The following CHD1L variants were observed in gnomAD, a reference collection of about 807,000 sequenced individuals.
CHD1L encodes ATP-dependent chromatin remodeler CHD1L.
CHD1L carries 118 observed loss-of-function variants against 115.9 expected under a neutral mutation model. The observed-to-expected ratio is 1.02, with a 90% CI of 0.88 to 1.19. The LOEUF (loss-of-function observed/expected upper bound fraction) is 1.19. Among genes scored for constraint, CHD1L ranks in the 50% most tolerant of loss-of-function variants. The pLI is 0.00. For synonymous variants in CHD1L, 411 were observed against 387.1 expected (o/e 1.06, Z -0.72); for missense variants, 1,179 against 1,065.3 (o/e 1.11, Z -1.49).
upstream of CHD1L, among the ~76,000 whole-genome samples, chr1:147,237,926 A>G (rs1553930128): frequency 6.6e-6 from 1 of 152,236 alleles, no homozygotes. Flanking sequence ...CTCAAAGATT[A>G]ACTTGATAAT....
the CHD1L span, chr1:147,212,324 A>G: frequency 6.5e-7 from 1 of 1,530,580 alleles, no homozygotes; most frequent in South Asian, 1.2e-5. Flanking sequence ...TGTTGGGTCC[A>G]CCTGCAGCTT....
At chr1:147,211,634 A>G in the CHD1L span, 2 of 152,226 alleles carry the variant, frequency 1.3e-5, no homozygotes, top group South Asian at 2.1e-4. Flanking sequence ...CCTATTGCCA[A>G]TAGAGTTTGA....
At chr1:147,200,570 TG>T in the CHD1L span, among the ~76,000 whole-genome samples, 2 of 137,452 alleles carry the variant, frequency 1.5e-5, no homozygotes, top group Non-Finnish European at 3.1e-5. Flanking sequence ...ATCATTCTAC[TG>T]ACTCATATGA....
At chr1:147,237,471 G>A in the CHD1L span, among the ~76,000 whole-genome samples, 2 of 152,168 alleles carry the variant, frequency 1.3e-5, no homozygotes, top group Non-Finnish European at 2.9e-5. Flanking sequence ...AAAGAGCACA[G>A]GGATGCCCAG....
chr1:147,274,104 C>T (rs1677341374), intron 12 of CHD1L, among the ~76,000 whole-genome samples: 1 of 152,162 alleles, frequency 6.6e-6, no homozygotes, highest in South Asian at 2.1e-4. Context: ...GGGCTCTGGA[C>T]CAAGACTGCA....
At chr1:147,266,213 A>C in intron 8 of CHD1L, 126 bp downstream of exon 8, 1 of 909,566 alleles carries the variant, frequency 1.1e-6, no homozygotes. Flanking sequence ...TATTCTGAAT[A>C]ATTCTGGTCG....
chr1:147,239,884 G>A (rs1401377865), upstream of CHD1L, among the ~76,000 whole-genome samples: 2 of 152,158 alleles, frequency 1.3e-5, no homozygotes, highest in Non-Finnish European at 2.9e-5. Context: ...AGAATCTAGA[G>A]GAGAGGAAAT....
At chr1:147,220,476 G>A in the CHD1L span, among the ~76,000 whole-genome samples, 3 of 152,074 alleles carry the variant, frequency 2.0e-5, no homozygotes, top group African/African-American at 4.8e-5. Flanking sequence ...AAGACAGAAG[G>A]CCTAGAATAG....
At chr1:147,274,758 TTTG>T (rs1229253073) in intron 12 of CHD1L, among the ~76,000 whole-genome samples, 1 of 152,080 alleles carries the variant, frequency 6.6e-6, no homozygotes, top group Non-Finnish European at 1.5e-5. Flanking sequence ...TGCCGTTGGT[TTTG>T]TTACTTTCTT....
the CHD1L span, among the ~76,000 whole-genome samples, chr1:147,173,773 G>T: frequency 6.6e-6 from 1 of 152,184 alleles, no homozygotes; most frequent in Non-Finnish European, 1.5e-5. Flanking sequence ...CCAGGGTTCT[G>T]AATCTGCATT....
the CHD1L span, among the ~76,000 whole-genome samples, chr1:147,222,135 C>A: frequency 6.6e-6 from 1 of 152,070 alleles, no homozygotes; most frequent in Non-Finnish European, 1.5e-5. Flanking sequence ...CTTGGGAGGC[C>A]GAGGTGAGCA....
At chr1:147,201,474 A>G in the CHD1L span, 2 of 1,614,068 alleles carry the variant, frequency 1.2e-6, no homozygotes, top group Non-Finnish European at 1.7e-6. Flanking sequence ...TTGGCAGGTC[A>G]TCATTTAAGG....
At chr1:147,238,676 C>T (rs587717523), upstream of CHD1L, among the ~76,000 whole-genome samples, 2 of 152,242 alleles carry the variant, frequency 1.3e-5, no homozygotes, top group South Asian at 4.2e-4. Context: ...CTTGGTTTGC[C>T]CATCTGTGAA....
At chr1:147,263,099 ACAT>A (rs1251673156) in intron 6 of CHD1L, among the ~76,000 whole-genome samples, 1 of 152,172 alleles carries the variant, frequency 6.6e-6, no homozygotes, top group Non-Finnish European at 1.5e-5. Flanking sequence ...TTACATACAT[ACAT>A]ATGTATATAT....
At chr1:147,203,136 AAT>A in the CHD1L span, 1 of 498,512 alleles carries the variant, frequency 2.0e-6, no homozygotes, top group Non-Finnish European at 3.5e-6. Context: ...TGACAGTAAC[AAT>A]ATGTTTATTA....
At position 147,255,928 on chromosome 1, in the gene CHD1L, G is replaced by A; in HGVS notation, c.462+1G>A. 6.2e-7 allele frequency: 1 copy of A among 1,601,538 alleles called. No individual in the cohort carries two copies. The highest frequency in any genetic ancestry group is 1.1e-5 in the South Asian group (1 of 90,318). ...TCATGTGCTACTGACTACCTATGAG[G>A]TATTCATTCGTTTCTCTATAGCGAG... is the stretch of plus-strand genomic sequence containing the variant. On this transcript the variant is annotated splice_donor_variant, in intron 4 of 22. Coordinates refer to ENST00000369258, the MANE Select transcript of CHD1L (RefSeq NM_004284.6). LOFTEE classifies it high-confidence loss of function.
intron 11 of CHD1L, among the ~76,000 whole-genome samples, chr1:147,271,598 G>A (rs1676254533): frequency 6.6e-6 from 1 of 151,552 alleles, no homozygotes; most frequent in South Asian, 2.1e-4. Context: ...GTTCAGACCG[G>A]GTGTCTGAGT....
chr1:147,259,583 G>T, intron 5 of CHD1L: 1 of 319,354 alleles, frequency 3.1e-6, no homozygotes, highest in Non-Finnish European at 5.8e-6. Flanking sequence ...TTTCCTTTCT[G>T]TCTCTGGCTT....
the CHD1L span, chr1:147,201,258 A>G: frequency 1.2e-6 from 2 of 1,614,166 alleles, no homozygotes; most frequent in Middle Eastern, 1.7e-4. Context: ...TTTCCAGGTT[A>G]GGAGGGAAGA....
Sources: gnomAD v4.1 joint callset for allele counts (sites outside exome capture counted in the v4.1 genomes callset) on GRCh38, gnomAD v4.1.1 for gene constraint, MANE v1.5 for transcripts, NCBI Gene and HGNC (gene_info 2026-07-23, HGNC 2026-07-21) for gene names.